ANKHD1: variants seen among roughly 807,000 people sequenced by gnomAD.
ANKHD1 encodes ankyrin repeat and KH domain-containing protein 1.
In ANKHD1, 31 loss-of-function variants were observed where a neutral mutation model predicts 230.5. The observed-to-expected ratio is 0.13, with a 90% CI of 0.10 to 0.18. The LOEUF is 0.18. Ranked by LOEUF, ANKHD1 falls within the 10% of genes least tolerant of loss-of-function variation. The pLI, the probability that ANKHD1 is intolerant of heterozygous loss-of-function variation, is 1.00. For synonymous variants in ANKHD1, 1,074 were observed against 1,117.6 expected, an observed-to-expected ratio of 0.96 and a Z score of 0.78; for missense variants, 2,256 against 3,071.3, an observed-to-expected ratio of 0.73 and a Z score of 6.27.
rs537266944 is a variant in ANKHD1, at chr5:140,459,449, A to C, written c.1672+94A>C. 5.0e-6 allele frequency: 7 copies of C among 1,390,254 alleles called. No homozygotes were observed. In the South Asian group the frequency reaches 7.7e-5, roughly 15 times the overall value. 86.1% of individuals were successfully genotyped at this position (1,390,254 alleles called of 1,614,324 possible). A position where few individuals can be genotyped will look rare whatever the true frequency, so the allele number is the denominator to read the frequency against. ...AAAAACGTTGAGCTCCTAGTAGATA[A>C]TAGAATGGTGGTTACCAGAGTGTGG... On this transcript the variant is annotated intron_variant, in intron 9 of 33. Coordinates refer to ENST00000360839, the MANE Select transcript of ANKHD1 (RefSeq NM_017747.3).
intron 29 of ANKHD1, 55 bp downstream of exon 29, chr5:140,529,851 A>G: frequency 1.3e-6 from 2 of 1,568,798 alleles, no homozygotes; most frequent in South Asian, 2.4e-5. Context: ...GCCTAATCTC[A>G]CCTTAAGTGG....
intron 1 of ANKHD1, among the ~76,000 whole-genome samples, chr5:140,421,296 CTTTTT>C (rs35408466): frequency 1.1e-5 from 1 of 94,508 alleles, no homozygotes; most frequent in Non-Finnish European, 2.1e-5. Context: ...AGAGTTTTTA[CTTTTT>C]TTTTTTTTTT....
Position 140,524,160 on chromosome 5 carries a change from A to G in ANKHD1, c.4412A>G (p.Gln1471Arg), listed in dbSNP as rs773584715. Residue 1471 changes from glutamine (Q) to arginine (R), a missense_variant, in exon 25 of 34, where the codon CAG (glutamine) becomes CGG (arginine). By Grantham distance (43) the Gln-to-Arg change is conservative (BLOSUM62 1). Coordinates refer to ENST00000360839, the MANE Select transcript of ANKHD1 (RefSeq NM_017747.3). The part of the protein sequence containing the change: ...KKKKEEQKRK[Q>R]EEDEENKPKE... ...AAAAAAGAGGAACAGAAAAGGAAAC[A>G]GGAAGAAGATGAAGAAAACAAACCT... The G allele has an allele frequency of 3.1e-6, 5 of 1,600,452 alleles. No individual in the cohort carries two copies. The South Asian group carries it at 4.6e-5, about 15-fold the overall frequency.
At chr5:140,517,772 C>G (rs2127071360) in intron 24 of ANKHD1, among the ~76,000 whole-genome samples, 1 of 149,016 alleles carries the variant, frequency 6.7e-6, no homozygotes, top group East Asian at 2.0e-4. Context: ...ACCAGAATCT[C>G]TGGGACACAT....
At chr5:140,505,048 A>G in intron 16 of ANKHD1, 74 bp from the exon 17 acceptor site, 1 of 1,603,148 alleles carries the variant, frequency 6.2e-7, no homozygotes, top group South Asian at 1.1e-5. Context: ...TTTATTGTGA[A>G]AAGAAATATT....
At chr5:140,501,177 G>A (rs1752287687) in intron 15 of ANKHD1, among the ~76,000 whole-genome samples, 1 of 149,454 alleles carries the variant, frequency 6.7e-6, no homozygotes, top group Admixed American at 6.7e-5. Flanking sequence ...CCAGGTTCAA[G>A]CGATTCCCCT....
intron 1 of ANKHD1, among the ~76,000 whole-genome samples, chr5:140,426,927 GAC>G (rs1772474060): frequency 6.6e-6 from 1 of 152,182 alleles, no homozygotes. Flanking sequence ...TTTCTACACA[GAC>G]ACGGCAACCA....
intron 10 of ANKHD1, among the ~76,000 whole-genome samples, chr5:140,473,728 C>T (rs1411614822): frequency 6.6e-6 from 1 of 152,140 alleles, no homozygotes; most frequent in Non-Finnish European, 1.5e-5. Context: ...AGCTTCTACT[C>T]AGTTTGTATA....
At chr5:140,467,772 A>G (rs961789926) in intron 10 of ANKHD1, among the ~76,000 whole-genome samples, 1 of 152,196 alleles carries the variant, frequency 6.6e-6, no homozygotes, top group Non-Finnish European at 1.5e-5. Context: ...AGTTCTAGTC[A>G]AAAACAGGGA....
intron 2 of ANKHD1, 67 bp from the exon 3 acceptor site, chr5:140,438,394 C>A: frequency 4.2e-6 from 6 of 1,445,462 alleles, no homozygotes; most frequent in Non-Finnish European, 5.5e-6. Context: ...AATATAATTA[C>A]AATTTGCACT....
In ANKHD1 at chr5:140,477,820, C is replaced by T. The variant is rs570425382; in HGVS notation, c.1783-4760C>T. 2.6e-5 allele frequency among the ~76,000 whole-genome samples: 4 copies of T among 152,246 alleles called. No homozygotes were observed. The South Asian group carries it at 8.3e-4, about 32-fold the overall frequency. On this transcript the variant is annotated intron_variant, in intron 10 of 33. Coordinates refer to ENST00000360839, the MANE Select transcript of ANKHD1 (RefSeq NM_017747.3). ...AGAGATGGGGTTTCACCATGTTGGG[C>T]AGGCTGGTCTTGAACTCGTGACCTT...
Position 140,507,863 on chromosome 5 carries a change from C to T in ANKHD1, c.3630C>T (p.Leu1210=), listed in dbSNP as rs371214758. 2.3e-5 allele frequency: 37 copies of T among 1,613,928 alleles called. No homozygotes were observed. The East Asian group carries it at 3.8e-4, about 17-fold the overall frequency. The change falls in exon 20 of 34, where the codon CTC becomes CTT. Residue 1210 remains leucine, a synonymous_variant. Coordinates refer to ENST00000360839, the MANE Select transcript of ANKHD1 (RefSeq NM_017747.3). This position sits in a 1 kb window ranked among gnomAD's most constrained non-coding sequence, Gnocchi z 4.1. The stretch of plus-strand genomic sequence containing the variant: ...ATGTTCCTGCAGTAAAATTGCTGCT[C>T]GATATGGGTTCAGACATTAATGCCC... ...NGHVPAVKLL[L]DMGSDINAQI... is the part of the protein sequence containing the mutation.
intron 17 of ANKHD1, 60 bp from the exon 18 acceptor site, chr5:140,505,664 G>A (rs1428133689): frequency 1.3e-6 from 2 of 1,534,748 alleles, no homozygotes; most frequent in South Asian, 1.3e-5. Flanking sequence ...ATTGTAAACA[G>A]TGGCTTTAAA....
At chr5:140,464,053 T>C (rs924537119) in intron 9 of ANKHD1, among the ~76,000 whole-genome samples, 1 of 151,982 alleles carries the variant, frequency 6.6e-6, no homozygotes, top group African/African-American at 2.4e-5. Context: ...CTGGCCAACA[T>C]GGTAAAACCC....
intron 10 of ANKHD1, among the ~76,000 whole-genome samples, chr5:140,479,966 A>G (rs1433582414): frequency 6.7e-6 from 1 of 149,170 alleles, no homozygotes; most frequent in Non-Finnish European, 1.5e-5. Flanking sequence ...ATATACATAT[A>G]TAGATATATT....
Position 140,483,211 on chromosome 5 carries a change from G to A in ANKHD1, c.1870+544G>A, listed in dbSNP as rs186888891. On this transcript the variant is annotated intron_variant, in intron 11 of 33. Transcript: ENST00000360839. ...TGTAGAACCAATGTTAGGTTTAACC[G>A]TATATAATTGTCATGTTATGAATCA... is the stretch of plus-strand genomic sequence containing the variant. 4.5e-3 allele frequency among the ~76,000 whole-genome samples: 686 copies of A among 152,210 alleles called. 9 individuals carry two copies. The highest frequency in any genetic ancestry group is 7.5e-3 in the Non-Finnish European group (509 of 68,010).
At chr5:140,522,868 G>A (rs999971208) in intron 24 of ANKHD1, among the ~76,000 whole-genome samples, 5 of 152,022 alleles carry the variant, frequency 3.3e-5, no homozygotes, top group Admixed American at 1.3e-4. Context: ...CATCCTAGTG[G>A]GTGTGAAGTG....
At chr5:140,453,395 C>T (rs567879628) in intron 7 of ANKHD1, among the ~76,000 whole-genome samples, 9 of 151,988 alleles carry the variant, frequency 5.9e-5, no homozygotes, top group Non-Finnish European at 1.2e-4. Flanking sequence ...AAGAGCAGCT[C>T]CAGGACACAT....
intron 5 of ANKHD1, among the ~76,000 whole-genome samples, chr5:140,441,826 T>C (rs1222967716): frequency 2.6e-5 from 4 of 152,066 alleles, no homozygotes; most frequent in Non-Finnish European, 5.9e-5. Flanking sequence ...ATTTGTTCTA[T>C]AGTAACCATT....
Sources: allele counts gnomAD v4.1 joint callset (sites outside exome capture counted in the v4.1 genomes callset), GRCh38; gene constraint gnomAD v4.1.1; non-coding constraint Gnocchi (gnomAD v3.1); transcripts MANE v1.5; gene names NCBI Gene and HGNC (gene_info 2026-07-23, HGNC 2026-07-21).